ADAM12: variants seen among roughly 807,000 people sequenced by gnomAD.
The protein encoded by ADAM12 is disintegrin and metalloproteinase domain-containing protein 12.
A neutral mutation model predicts 106.4 loss-of-function variants in ADAM12; 70 were observed. That is an observed-to-expected ratio of 0.66 (90% confidence interval 0.54 to 0.80). The LOEUF is 0.80. Ranked by LOEUF, ADAM12 falls within the 30% of genes least tolerant of loss-of-function variation. ADAM12 has a pLI of 0.00. For missense variants in ADAM12, 1,010 were observed against 1,171.9 expected (o/e 0.86, Z 2.02); for synonymous variants, 420 against 433.5 (o/e 0.97, Z 0.39).
At chr10:126,181,475 T>C (rs913851239) in intron 3 of ADAM12, among the ~76,000 whole-genome samples, 8 of 152,192 alleles carry the variant, frequency 5.3e-5, no homozygotes, top group African/African-American at 1.9e-4. Flanking sequence ...TGATACCATG[T>C]CCTACTCAAT....
intron 11 of ADAM12, among the ~76,000 whole-genome samples, chr10:126,076,599 C>T (rs1055744908): frequency 2.6e-5 from 4 of 152,138 alleles, no homozygotes; most frequent in Non-Finnish European, 5.9e-5. Flanking sequence ...TTTTGATTTG[C>T]ATTTCCCTGA....
At chr10:126,021,231 A>G (rs1445325004) in intron 21 of ADAM12, among the ~76,000 whole-genome samples, 2 of 152,156 alleles carry the variant, frequency 1.3e-5, no homozygotes, top group Non-Finnish European at 2.9e-5. Flanking sequence ...CTCCAGGGAG[A>G]CAGAACACCC....
chr10:126,364,276 G>A (rs1232297131), intron 1 of ADAM12, among the ~76,000 whole-genome samples: 2 of 151,912 alleles, frequency 1.3e-5, no homozygotes, highest in African/African-American at 4.8e-5. Flanking sequence ...AAACAAAAGA[G>A]GAATTATTGC....
chr10:126,224,752 G>A (rs1737729885), intron 3 of ADAM12, among the ~76,000 whole-genome samples: 1 of 152,226 alleles, frequency 6.6e-6, no homozygotes, highest in Non-Finnish European at 1.5e-5. Context: ...CACGATGTCA[G>A]GTCAAACGTC....
Position 126,043,008 on chromosome 10 carries a change from T to A in ADAM12, c.2104+32A>T. Reference sequence around the variant, plus strand: ...CCCACCCGCCCCCAGGTGCTCAGCCTCCTCCCACCGGGATGCAGGGGCTTC... The same window carrying A: ...CCCACCCGCCCCCAGGTGCTCAGCCACCTCCCACCGGGATGCAGGGGCTTC... On this transcript the variant is annotated intron_variant, in intron 18 of 22. Transcript: ENST00000448723. The surrounding 1 kb of genome is among the most constrained non-coding windows in gnomAD (Gnocchi z 4.1). The A allele has an allele frequency of 6.2e-7, 1 of 1,605,108 alleles. No homozygotes were observed. The highest frequency in any genetic ancestry group is 1.1e-5 in the South Asian group (1 of 89,922).
chr10:126,117,906 TA>T, intron 6 of ADAM12, 131 bp downstream of exon 6: 1 of 997,024 alleles, frequency 1.0e-6, no homozygotes, highest in Non-Finnish European at 1.5e-6. Context: ...CACCTCCAGA[TA>T]AACTGGGCAC....
At chr10:126,217,888 T>C (rs920960791) in intron 3 of ADAM12, among the ~76,000 whole-genome samples, 1 of 151,466 alleles carries the variant, frequency 6.6e-6, no homozygotes, top group Non-Finnish European at 1.5e-5. Flanking sequence ...GGCAGGAGAA[T>C]TGCTTGAACC....
At chr10:126,039,519 T>G in intron 18 of ADAM12, 90 bp from the exon 19 acceptor site, 1 of 1,506,996 alleles carries the variant, frequency 6.6e-7, no homozygotes, top group Non-Finnish European at 9.2e-7. Context: ...CAAAGTGAAC[T>G]CTGAAGCAAC....
intron 1 of ADAM12, among the ~76,000 whole-genome samples, chr10:126,355,299 C>A (rs1283233378): frequency 5.3e-5 from 8 of 152,176 alleles, no homozygotes; most frequent in African/African-American, 1.9e-4. Flanking sequence ...ATTCTTCTGA[C>A]AGGCCAAATA....
intron 3 of ADAM12, among the ~76,000 whole-genome samples, chr10:126,174,837 C>T (rs988664314): frequency 1.3e-5 from 2 of 151,752 alleles, no homozygotes; most frequent in African/African-American, 4.8e-5. Context: ...ACTGCAAGCT[C>T]CGCCTTCCGG....
chr10:126,382,861 A>C (rs1053144682), intron 1 of ADAM12, among the ~76,000 whole-genome samples: 1 of 152,242 alleles, frequency 6.6e-6, no homozygotes, highest in African/African-American at 2.4e-5. Context: ...ATTACAAAAA[A>C]GAAGAGGACA....
intron 14 of ADAM12, among the ~76,000 whole-genome samples, chr10:126,063,739 G>A (rs1030689958): frequency 2.6e-5 from 4 of 152,190 alleles, no homozygotes; most frequent in African/African-American, 7.2e-5. Flanking sequence ...TGGATTTCAC[G>A]GTTGGACTCC....
At chr10:126,202,159 C>A (rs1270167423) in intron 3 of ADAM12, among the ~76,000 whole-genome samples, 1 of 152,242 alleles carries the variant, frequency 6.6e-6, no homozygotes, top group Non-Finnish European at 1.5e-5. Flanking sequence ...AGATCCACCC[C>A]ATGTGGGGAA....
intron 1 of ADAM12, among the ~76,000 whole-genome samples, chr10:126,365,682 C>T (rs938329973): frequency 1.3e-5 from 2 of 152,160 alleles, no homozygotes; most frequent in Non-Finnish European, 2.9e-5. Context: ...AATTCACTCA[C>T]TATCACAAGA....
chr10:126,238,316 C>G lies in ADAM12; in HGVS notation c.260+40599G>C, dbSNP rs546884126. ...CCAACATGGGGAAACCCCATCTCTACTAAAAATACAAAAATTAGCCGGGCG... is the reference window on the plus strand; with the variant it reads ...CCAACATGGGGAAACCCCATCTCTAGTAAAAATACAAAAATTAGCCGGGCG... On this transcript the variant is annotated intron_variant, in intron 3 of 22. Coordinates refer to ENST00000448723, the MANE Select transcript of ADAM12 (RefSeq NM_001288973.2). Among the ~76,000 whole-genome samples the G allele has an allele frequency of 7.9e-5, 12 of 152,272 alleles. 1 individual carries two copies. The highest frequency in any genetic ancestry group is 2.2e-4 in the African/African-American group (9 of 41,546).
chr10:126,333,815 G>A (rs181952825), intron 1 of ADAM12, among the ~76,000 whole-genome samples: 105 of 152,310 alleles, frequency 6.9e-4, no homozygotes, highest in African/African-American at 2.4e-3. Context: ...TGGCAAATAT[G>A]TTTTCCTTGA....
At chr10:126,113,640 C>T (rs1391765965) in intron 6 of ADAM12, among the ~76,000 whole-genome samples, 15 of 96,942 alleles carry the variant, frequency 1.5e-4, no homozygotes, top group South Asian at 1.2e-3. Flanking sequence ...GCCTGGGCAA[C>T]ACAGTGAGAC....
In ADAM12 at chr10:126,095,080, C is replaced by G. The variant is rs1375317936; in HGVS notation, c.997-947G>C. ...GTATACCATGGAGTAAGGAAAATAC[C>G]CTGTTTGAATCTTGCTTTGTGCTAC... is the stretch of plus-strand genomic sequence containing the variant. On this transcript the variant is annotated intron_variant, in intron 10 of 22. Coordinates refer to ENST00000448723, the MANE Select transcript of ADAM12 (RefSeq NM_001288973.2). Among the ~76,000 whole-genome samples, 3 of 152,012 alleles carry G rather than the reference C, an allele frequency of 2.0e-5. No individual in the cohort carries two copies. The East Asian group carries it at 5.8e-4, about 29-fold the overall frequency.
chr10:126,253,210 AC>A (rs1180970345), intron 3 of ADAM12, among the ~76,000 whole-genome samples: 2 of 151,270 alleles, frequency 1.3e-5, no homozygotes, highest in African/African-American at 4.9e-5. Context: ...GTTTCTGACC[AC>A]TCTTGACATT....
Sources: allele counts gnomAD v4.1 joint callset (sites outside exome capture counted in the v4.1 genomes callset), GRCh38; gene constraint gnomAD v4.1.1; non-coding constraint Gnocchi (gnomAD v3.1); transcripts MANE v1.5; gene names NCBI Gene and HGNC (gene_info 2026-07-23, HGNC 2026-07-21).